The following AP3B2 variants were observed in gnomAD, a reference collection of about 807,000 sequenced individuals.
AP3B2 encodes the protein AP-3 complex subunit beta-2.
In AP3B2, 50 loss-of-function variants were observed where a neutral mutation model predicts 126.9. The ratio of observed to expected loss-of-function variants is 0.39; its 90% CI spans 0.31 to 0.50. AP3B2 has a LOEUF of 0.50. AP3B2 is among the 20% of genes least tolerant of loss of function. The pLI is 0.79. For missense variants in AP3B2, 1,177 were observed against 1,426.4 expected (o/e 0.83, Z 2.82); for synonymous variants, 541 against 565.0 (o/e 0.96, Z 0.60).
chr15:82,673,006 G>C (rs1171392868), intron 14 of AP3B2, among the ~76,000 whole-genome samples: 2 of 152,156 alleles, frequency 1.3e-5, no homozygotes, highest in African/African-American at 4.8e-5. Context: ...ACAGCCTCCA[G>C]ATAAAAACTC....
chr15:82,668,673 AC>A (rs767846219), intron 14 of AP3B2, among the ~76,000 whole-genome samples: 4 of 152,094 alleles, frequency 2.6e-5, no homozygotes, highest in Non-Finnish European at 5.9e-5. Context: ...ATAATTCATT[AC>A]CCTTCTCCAC....
At position 82,663,979 on chromosome 15, in the gene AP3B2, A is replaced by C; in HGVS notation, c.2262-4T>G. On this transcript the variant is annotated splice_polypyrimidine_tract_variant and splice_region_variant and intron_variant, in intron 19 of 26. Coordinates refer to ENST00000535359, the MANE Select transcript of AP3B2 (RefSeq NM_001278512.2). ...ACCATCCTCCTCACTCTGTTCACTG[A>C]AGGAGTGGGAAAGGTTGGCTCAGGC... The C allele has an allele frequency of 6.2e-7, 1 of 1,600,618 alleles. No homozygotes were observed. Among genetic ancestry groups the C allele is most frequent in the Non-Finnish European group, 8.5e-7 (1 of 1,178,952 alleles).
intron 4 of AP3B2, 107 bp downstream of exon 4, chr15:82,688,629 G>C (rs755426939): frequency 9.8e-7 from 1 of 1,024,636 alleles, no homozygotes; most frequent in Non-Finnish European, 1.5e-6. Context: ...CAGGTAGGAA[G>C]GGGTCTGCAG....
At chr15:82,663,730 T>G in intron 20 of AP3B2, 71 bp downstream of exon 20, 1 of 1,598,248 alleles carries the variant, frequency 6.3e-7, no homozygotes, top group Non-Finnish European at 8.5e-7. Context: ...GATAGATGTC[T>G]GGGCCTGGCC....
At chr15:82,683,754 C>T (rs529872551) in intron 4 of AP3B2, among the ~76,000 whole-genome samples, 7 of 152,260 alleles carry the variant, frequency 4.6e-5, no homozygotes, top group South Asian at 2.1e-4. Context: ...TCTAGCCTTA[C>T]GAGATGTATT....
rs186790328 is a variant in AP3B2 at position 82,697,450 on chromosome 15, T to C, written c.114-7997A>G. On this transcript the variant is annotated intron_variant, in intron 1 of 26. Transcript: ENST00000535359. ...AGCACTGTTAGGAGAGGAAAGAGCA[T>C]GATAACAATCATAAAGTGGCAAATG... is the stretch of plus-strand genomic sequence containing the variant. Among the ~76,000 whole-genome samples, 13 of 152,168 alleles carry C rather than the reference T, an allele frequency of 8.5e-5. No homozygotes were observed. In the East Asian group the frequency reaches 1.3e-3, roughly 16 times the overall value.
intron 1 of AP3B2, among the ~76,000 whole-genome samples, chr15:82,695,833 G>A (rs2048621861): frequency 6.6e-6 from 1 of 152,172 alleles, no homozygotes; most frequent in Admixed American, 6.6e-5. Context: ...GAGCAGTCTT[G>A]TGGCACTGAG....
chr15:82,708,818 C>T, intron 1 of AP3B2: 1 of 152,778 alleles, frequency 6.5e-6, no homozygotes, highest in Non-Finnish European at 1.5e-5. Flanking sequence ...ACTAGGTCCT[C>T]TCCCTGCTCC....
intron 1 of AP3B2, chr15:82,692,639 C>G (rs2048560342): frequency 6.3e-6 from 1 of 159,288 alleles, no homozygotes; most frequent in Non-Finnish European, 1.4e-5. Context: ...GTGCCCTTGC[C>G]CTGCCTCCAG....
chr15:82,691,648 A>G (rs1394641443), intron 1 of AP3B2: 11 of 1,153,342 alleles, frequency 9.5e-6, no homozygotes, highest in Non-Finnish European at 1.3e-5. Flanking sequence ...TAAATCCTCA[A>G]TCTGGAATGC....
At position 82,665,675 on chromosome 15, in the gene AP3B2, C is replaced by A; in HGVS notation, c.1853-100G>T. The A allele has an allele frequency of 1.1e-6, 1 of 878,604 alleles. No homozygotes were observed. The highest frequency in any genetic ancestry group is 2.3e-4 in the Middle Eastern group (1 of 4,434). The allele number at this position is 878,604 out of a possible 1,614,324, so 54.4% of individuals were successfully genotyped here. ...TGGGTGGTGATTCTGGTTGGGACTTCCCAGGTGGGTAGGGGAAGGAGATGG... is the reference window on the plus strand; with the variant it reads ...TGGGTGGTGATTCTGGTTGGGACTTACCAGGTGGGTAGGGGAAGGAGATGG... On this transcript the variant is annotated intron_variant, in intron 15 of 26. Coordinates refer to ENST00000535359, the MANE Select transcript of AP3B2 (RefSeq NM_001278512.2). The surrounding 1 kb of genome is among the most constrained non-coding windows in gnomAD (Gnocchi z 4.4).
chr15:82,659,832 G>C lies in AP3B2; in HGVS notation c.3155+13C>G. The C allele has an allele frequency of 2.5e-6, 4 of 1,613,392 alleles. No individual in the cohort carries two copies. The highest frequency in any genetic ancestry group is 3.4e-6 in the Non-Finnish European group (4 of 1,179,404). On this transcript the variant is annotated intron_variant, in intron 26 of 26. Coordinates refer to ENST00000535359, the MANE Select transcript of AP3B2 (RefSeq NM_001278512.2). ...CCATGCTCATCATTTCCCCTCTACT[G>C]GTGGCCTAGTACCTGTACTCATCAG...
In AP3B2 at chr15:82,680,162, G is replaced by T; in HGVS notation, c.1110+13C>A. ...CCTCGGACAGCGAGGACAGCCCGCC[G>T]TCGCAGGCTCACCCGGCGCTTGATG... On this transcript the variant is annotated intron_variant, in intron 9 of 26. Coordinates refer to ENST00000535359, the MANE Select transcript of AP3B2 (RefSeq NM_001278512.2). This position sits in a 1 kb window ranked among gnomAD's most constrained non-coding sequence, Gnocchi z 6.1. The T allele has an allele frequency of 6.2e-7, 1 of 1,613,076 alleles. No individual in the cohort carries two copies.
rs60428596 is a variant in AP3B2 at position 82,665,376 on chromosome 15, AACACACACACACACACACACACACACAC to A, written c.1971+53_1972-74del. On this transcript the variant is annotated intron_variant, in intron 16 of 26. Transcript: ENST00000535359. This position sits in a 1 kb window ranked among gnomAD's most constrained non-coding sequence, Gnocchi z 4.4. The stretch of plus-strand genomic sequence containing the variant: ...GGGCTCCCTACTGTCTGCCCCCACC[AACACACACACACACACACACACACACAC>A]ACACACACACACACACACACACACA... 30,654 of 1,245,698 alleles carry A rather than the reference AACACACACACACACACACACACACACAC, an allele frequency of 0.025. 933 individuals carry two copies. The highest frequency in any genetic ancestry group is 0.05 in the East Asian group (1,985 of 39,414). 77.2% of individuals were successfully genotyped at this position (1,245,698 alleles called of 1,614,324 possible).
In AP3B2 at chr15:82,688,999, T is replaced by C; in HGVS notation, c.264+159A>G. 6.8e-6 allele frequency: 7 copies of C among 1,022,586 alleles called. No individual in the cohort carries two copies. The South Asian group carries it at 8.9e-5, about 13-fold the overall frequency. The allele number at this position is 1,022,586 out of a possible 1,614,324, so 63.3% of individuals were successfully genotyped here. On this transcript the variant is annotated intron_variant, in intron 3 of 26. Coordinates refer to ENST00000535359, the MANE Select transcript of AP3B2 (RefSeq NM_001278512.2). ...TCCGGGTCCTTTACCTTGATCCACA[T>C]CCAGTTCAGGGACATGGAGACAGTG... is the stretch of plus-strand genomic sequence containing the variant.
chr15:82,692,143 G>A (rs2048546183), intron 1 of AP3B2: 1 of 1,492,492 alleles, frequency 6.7e-7, no homozygotes. Context: ...ACACGAAGCC[G>A]ACACTGGCCA....
chr15:82,664,976 A>ATC lies in AP3B2; in HGVS notation c.2029-35_2029-34dup. 6.6e-7 allele frequency: 1 copy of ATC among 1,514,862 alleles called. No homozygotes were observed. Among genetic ancestry groups the ATC allele is most frequent in the Non-Finnish European group, 9.1e-7 (1 of 1,103,206 alleles). 93.8% of individuals were successfully genotyped at this position (1,514,862 alleles called of 1,614,324 possible). ...TGGGGGTAGGGTGCAGGGTCATTTC[A>ATC]TCATGGTTGGGGAGAAGGCAGGCAG... On this transcript the variant is annotated intron_variant, in intron 17 of 26. Transcript: ENST00000535359. This position sits in a 1 kb window ranked among gnomAD's most constrained non-coding sequence, Gnocchi z 4.5.
Position 82,709,740 on chromosome 15 carries a change from T to C in AP3B2, c.-34A>G, listed in dbSNP as rs1489652622. On this transcript the variant is annotated 5_prime_UTR_variant, in exon 1 of 27. Transcript: ENST00000535359. ...CAGGGAGACTTCGCCGAGGAGGAGG[T>C]TGCGGGGCCGGAGGCCGGCTGGAGC... 1.4e-6 allele frequency: 2 copies of C among 1,434,380 alleles called. No individual in the cohort carries two copies. Among genetic ancestry groups the C allele is most frequent in the African/African-American group, 1.5e-5 (1 of 67,398 alleles). 88.9% of individuals were successfully genotyped at this position (1,434,380 alleles called of 1,614,324 possible).
chr15:82,697,067 C>T (rs1298193222), intron 1 of AP3B2, among the ~76,000 whole-genome samples: 1 of 152,158 alleles, frequency 6.6e-6, no homozygotes, highest in Non-Finnish European at 1.5e-5. Context: ...CACGGTGGCT[C>T]ACGCCTGTAA....
Sources: gnomAD v4.1 joint callset for allele counts (sites outside exome capture counted in the v4.1 genomes callset) on GRCh38, gnomAD v4.1.1 for gene constraint, Gnocchi (gnomAD v3.1) non-coding constraint, MANE v1.5 for transcripts, NCBI Gene and HGNC (gene_info 2026-07-23, HGNC 2026-07-21) for gene names.